The following MRPL13 variants were observed in gnomAD, a reference collection of about 807,000 sequenced individuals.
MRPL13 encodes the protein mitochondrial ribosomal protein L13, also known as large ribosomal subunit protein uL13m.
In MRPL13, 33 loss-of-function variants were observed where a neutral mutation model predicts 29.0. The observed-to-expected ratio is 1.14, with a 90% CI of 0.86 to 1.52. The LOEUF (loss-of-function observed/expected upper bound fraction) is 1.52. MRPL13 is among the 40% of genes most tolerant of loss of function. MRPL13 has a pLI of 0.00. For synonymous variants in MRPL13, 77 were observed against 68.4 expected, an observed-to-expected ratio of 1.13 and a Z score of -0.62; for missense variants, 227 against 216.7, an observed-to-expected ratio of 1.05 and a Z score of -0.30.
chr8:120,419,625 T>A (rs1220539706), intron 5 of MRPL13: 1 of 286,092 alleles, frequency 3.5e-6, no homozygotes. Context: ...AAATTTTTTT[T>A]AAAAACTTAC....
chr8:120,434,434 CAG>C (rs886858536), intron 2 of MRPL13, among the ~76,000 whole-genome samples: 1 of 152,074 alleles, frequency 6.6e-6, no homozygotes, highest in African/African-American at 2.4e-5. Flanking sequence ...ACGGAGAAAA[CAG>C]AGTCAGAGGT....
At chr8:120,441,214 T>C (rs1046725194) in intron 2 of MRPL13, among the ~76,000 whole-genome samples, 15 of 152,090 alleles carry the variant, frequency 9.9e-5, no homozygotes, top group East Asian at 1.9e-4. Context: ...GACTTATTCA[T>C]TGGAGATGTC....
intron 6 of MRPL13, among the ~76,000 whole-genome samples, chr8:120,402,873 T>C (rs1812616433): frequency 6.6e-6 from 1 of 152,150 alleles, no homozygotes. Flanking sequence ...AAGACATTCA[T>C]GAGGCCAACA....
chr8:120,424,297 T>C (rs1489413392), intron 4 of MRPL13, among the ~76,000 whole-genome samples: 1 of 151,602 alleles, frequency 6.6e-6, no homozygotes, highest in East Asian at 1.9e-4. Context: ...ACCTTCAAAA[T>C]ATATAAGGCA....
At chr8:120,408,332 G>T (rs1376658864) in intron 6 of MRPL13, among the ~76,000 whole-genome samples, 2 of 152,160 alleles carry the variant, frequency 1.3e-5, no homozygotes, top group Non-Finnish European at 2.9e-5. Flanking sequence ...GTCAAAATCT[G>T]TATCAGCTAG....
intron 5 of MRPL13, among the ~76,000 whole-genome samples, chr8:120,419,342 T>C (rs1358442126): frequency 1.3e-5 from 2 of 151,936 alleles, no homozygotes; most frequent in Non-Finnish European, 2.9e-5. Flanking sequence ...TAAAACAATA[T>C]AATACTAATA....
At chr8:120,432,154 A>C (rs1196941901) in intron 2 of MRPL13, 31 bp from the exon 3 acceptor site, 1 of 1,517,786 alleles carries the variant, frequency 6.6e-7, no homozygotes, top group East Asian at 2.3e-5. Context: ...AGATTTTGTA[A>C]GAAAAATAAA....
chr8:120,410,029 A>G (rs750352299), intron 6 of MRPL13, among the ~76,000 whole-genome samples: 1 of 152,220 alleles, frequency 6.6e-6, no homozygotes, highest in Non-Finnish European at 1.5e-5. Context: ...TTAATCATCT[A>G]CTGGGTTCAA....
rs368913429 is a variant in MRPL13, at chr8:120,409,088, T to C, written c.515+4903A>G. ...CTCTCCTTTGCAGGCACATTTCTAA[T>C]AGCACACTCTAGAGTACTGAAACAC... is the stretch of plus-strand genomic sequence containing the variant. On this transcript the variant is annotated intron_variant, in intron 6 of 6. Coordinates refer to ENST00000306185, the MANE Select transcript of MRPL13 (RefSeq NM_014078.6). 1.2e-3 allele frequency among the ~76,000 whole-genome samples: 189 copies of C among 152,272 alleles called. 1 individual carries two copies. The highest frequency in any genetic ancestry group is 4.3e-3 in the African/African-American group (179 of 41,560).
intron 5 of MRPL13, chr8:120,414,804 A>C (rs751255957): frequency 6.6e-6 from 1 of 152,164 alleles, no homozygotes; most frequent in Non-Finnish European, 1.5e-5. Flanking sequence ...TCAAATCATG[A>C]TATCTTTATT....
rs574825512 is a variant in MRPL13 at position 120,420,723 on chromosome 8, T to A, written c.307-785A>T. On this transcript the variant is annotated intron_variant, in intron 4 of 6. Transcript: ENST00000306185. ...TGTTTTAAAAGTTGTAAATTGAAAC[T>A]GACAATGTTAAGACTATCTTTTCTG... Among the ~76,000 whole-genome samples the A allele has an allele frequency of 7.9e-5, 12 of 151,822 alleles. No homozygotes were observed. In the South Asian group the frequency reaches 2.5e-3, roughly 31 times the overall value.
In MRPL13 at chr8:120,395,617, AT is replaced by A. The variant is rs2130444180; in HGVS notation, c.*486del. 6.5e-6 allele frequency: 1 copy of A among 153,508 alleles called. No individual in the cohort carries two copies. The highest frequency in any genetic ancestry group is 1.9e-4 in the East Asian group (1 of 5,210). 9.5% of individuals were successfully genotyped at this position (153,508 alleles called of 1,614,324 possible). A position where few individuals can be genotyped will look rare whatever the true frequency, so the allele number is the denominator to read the frequency against. ...CAGAAAAAGATAGCAGTTTATAAAT[AT>A]TTCAGGGCAAACTTTACCCTACTAA... On this transcript the variant is annotated 3_prime_UTR_variant, in exon 7 of 7. Transcript: ENST00000306185.
At chr8:120,432,731 G>A (rs1813009155) in intron 2 of MRPL13, among the ~76,000 whole-genome samples, 1 of 151,902 alleles carries the variant, frequency 6.6e-6, no homozygotes, top group Non-Finnish European at 1.5e-5. Flanking sequence ...ATATTTGACA[G>A]GACAGATGAC....
At chr8:120,398,683 A>C (rs190792594) in intron 6 of MRPL13, among the ~76,000 whole-genome samples, 40 of 152,278 alleles carry the variant, frequency 2.6e-4, no homozygotes, top group Admixed American at 2.3e-3. Context: ...AGGCTTCAGA[A>C]GGTGAGTAAT....
At chr8:120,410,406 A>T (rs994618316) in intron 6 of MRPL13, among the ~76,000 whole-genome samples, 4 of 152,270 alleles carry the variant, frequency 2.6e-5, no homozygotes, top group East Asian at 1.9e-4. Context: ...GGAGAAAAAA[A>T]TTTTTTTCTA....
rs370181163 is a variant in MRPL13, at chr8:120,417,590, G to A, written c.393+2262C>T. Among the ~76,000 whole-genome samples, 190 of 152,088 alleles carry A rather than the reference G, an allele frequency of 1.2e-3. 1 individual carries two copies. The highest frequency in any genetic ancestry group is 4.3e-3 in the African/African-American group (180 of 41,502). On this transcript the variant is annotated intron_variant, in intron 5 of 6. Transcript: ENST00000306185. Reference sequence around the variant, plus strand: ...GTATAGATTTTTGTTTTCTTATTCAGTGTAATCCCTTATTATTACCATGTG... The same window carrying A: ...GTATAGATTTTTGTTTTCTTATTCAATGTAATCCCTTATTATTACCATGTG...
At chr8:120,408,019 C>CA (rs1428322246) in intron 6 of MRPL13, among the ~76,000 whole-genome samples, 2 of 152,164 alleles carry the variant, frequency 1.3e-5, no homozygotes, top group African/African-American at 2.4e-5. Flanking sequence ...AATCTGGTGA[C>CA]ATCACATATT....
At chr8:120,440,669 T>C (rs893557237) in intron 2 of MRPL13, among the ~76,000 whole-genome samples, 5 of 150,116 alleles carry the variant, frequency 3.3e-5, no homozygotes, top group Non-Finnish European at 7.4e-5. Flanking sequence ...TGGAACAGTA[T>C]AGGTCTGAGT....
chr8:120,412,913 T>C (rs1341480005), intron 6 of MRPL13, among the ~76,000 whole-genome samples: 1 of 152,170 alleles, frequency 6.6e-6, no homozygotes. Flanking sequence ...TCTGTGCCCA[T>C]ATTTTCTCAT....
Sources: gnomAD v4.1 joint callset for allele counts (sites outside exome capture counted in the v4.1 genomes callset) on GRCh38, gnomAD v4.1.1 for gene constraint, MANE v1.5 for transcripts, NCBI Gene and HGNC (gene_info 2026-07-23, HGNC 2026-07-21) for gene names.